Variants in ARL17B observed in about 807,000 individuals in gnomAD.
ARL17B encodes the protein ADP-ribosylation factor-like protein 17.
chr17:46,291,985 A>AAAAAAAAAC lies in ARL17B; in HGVS notation c.*21+7540_*21+7541insGTTTTTTTT, dbSNP rs1360524355. Among the ~76,000 whole-genome samples the AAAAAAAAAC allele has an allele frequency of 1.1e-3, 83 of 76,600 alleles. 3 individuals are homozygous for AAAAAAAAAC. The highest frequency in any genetic ancestry group is 2.5e-3 in the Admixed American group (17 of 6,722). The allele number at this position is 76,600 out of a possible 152,430, so 50.3% of individuals were successfully genotyped here. A position where few individuals can be genotyped will look rare whatever the true frequency, so the allele number is the denominator to read the frequency against. ...CTCAAAAAGCAAAAAAAAAAAAAAAAAAGCCAATAAAATCAATGGTCTAAT... is the reference window on the plus strand; with the variant it reads ...CTCAAAAAGCAAAAAAAAAAAAAAAAAAAAAAAACAAGCCAATAAAATCAATGGTCTAAT... On this transcript the variant is annotated intron_variant, in intron 4 of 4. Transcript: ENST00000570618.
At chr17:46,291,978 A>AC in intron 4 of ARL17B, among the ~76,000 whole-genome samples, 1 of 122,174 alleles carries the variant, frequency 8.2e-6, no homozygotes, top group Non-Finnish European at 1.8e-5. Context: ...GCAAAAAAAA[A>AC]AAAAAAAAAG....
chr17:46,286,420 T>C (rs2143412437), intron 4 of ARL17B, among the ~76,000 whole-genome samples: 1 of 152,352 alleles, frequency 6.6e-6, no homozygotes, highest in East Asian at 1.9e-4. Context: ...TCCTATAAGG[T>C]AATAACAGAG....
intron 4 of ARL17B, among the ~76,000 whole-genome samples, chr17:46,276,927 C>T (rs1478800352): frequency 3.9e-5 from 6 of 152,118 alleles, no homozygotes; most frequent in Admixed American, 3.9e-4. Context: ...CCTCAGCCTC[C>T]TGGGTAGCTG....
chr17:46,283,814 G>T (rs1172309131), intron 4 of ARL17B, among the ~76,000 whole-genome samples: 43 of 152,362 alleles, frequency 2.8e-4, no homozygotes, highest in African/African-American at 9.6e-4. Context: ...GTTTCTCGGA[G>T]AGGGGGATGT....
chr17:46,278,407 T>A (rs528577385), intron 4 of ARL17B, among the ~76,000 whole-genome samples: 6 of 149,882 alleles, frequency 4.0e-5, no homozygotes, highest in African/African-American at 1.5e-4. Context: ...TTTTGTTTTT[T>A]TTTTGTTGTT....
chr17:46,314,522 T>C (rs2050965952), intron 3 of ARL17B, among the ~76,000 whole-genome samples: 1 of 80,128 alleles, frequency 1.2e-5, no homozygotes, highest in African/African-American at 3.2e-5. Flanking sequence ...AGCACGTTTA[T>C]CCGTTTATCA....
intron 4 of ARL17B, among the ~76,000 whole-genome samples, chr17:46,286,787 T>C (rs2957301): frequency 6.6e-6 from 1 of 152,260 alleles, no homozygotes; most frequent in Non-Finnish European, 1.5e-5. Flanking sequence ...ATGCTCTTAT[T>C]AGAACTCACT....
chr17:46,322,744 T>TAA (rs1283238288), intron 3 of ARL17B, among the ~76,000 whole-genome samples: 3 of 46,134 alleles, frequency 6.5e-5, no homozygotes, highest in South Asian at 9.7e-4. Flanking sequence ...AAGATAATGG[T>TAA]AAAAAAAAAA....
In ARL17B at chr17:46,335,526, G is replaced by A. The variant is rs1296477783; in HGVS notation, c.*3974C>T. 1 of 179,284 alleles carries A rather than the reference G, an allele frequency of 5.6e-6. No homozygotes were observed. Among genetic ancestry groups the A allele is most frequent in the East Asian group, 3.1e-5 (1 of 32,700 alleles). The allele number at this position is 179,284 out of a possible 1,614,324, so 11.1% of individuals were successfully genotyped here. ...GTTGTTGTCATAGATAATCTTAATT[G>A]CGTTTTCTTCTAAAACAGATATGTT... On this transcript the variant is annotated 3_prime_UTR_variant, in exon 4 of 4. Transcript: ENST00000450673.
At chr17:46,304,998 A>G (rs1260381548) in intron 3 of ARL17B, among the ~76,000 whole-genome samples, 1 of 83,034 alleles carries the variant, frequency 1.2e-5, no homozygotes, top group East Asian at 2.9e-4. Flanking sequence ...CCTCCTGAGC[A>G]GCTAGGACTA....
At chr17:46,332,873 A>C (rs1198929839), downstream of ARL17B, among the ~76,000 whole-genome samples, 1 of 150,424 alleles carries the variant, frequency 6.6e-6, no homozygotes, top group African/African-American at 2.5e-5. Context: ...GTGAATTGAA[A>C]CCAAGTGAAT....
At chr17:46,309,176 A>G (rs2050681251) in intron 3 of ARL17B, among the ~76,000 whole-genome samples, 1 of 61,984 alleles carries the variant, frequency 1.6e-5, no homozygotes, top group Admixed American at 1.8e-4. Context: ...AAGTCAAACA[A>G]CCATATCGAG....
At chr17:46,327,612 C>T (rs934681132) in intron 3 of ARL17B, among the ~76,000 whole-genome samples, 3 of 9,074 alleles carry the variant, frequency 3.3e-4, no homozygotes, top group African/African-American at 5.5e-4. Context: ...TAATTTTCCC[C>T]TTGGTAATTA....
rs2050131235 is a variant in ARL17B, at chr17:46,293,500, C to T, written c.*21+6026G>A. 7.9e-6 allele frequency: 2 copies of T among 253,696 alleles called. 1 individual carries two copies. The highest frequency in any genetic ancestry group is 5.0e-5 in the African/African-American group (2 of 39,630). 15.7% of individuals were successfully genotyped at this position (253,696 alleles called of 1,614,324 possible). A position where few individuals can be genotyped will look rare whatever the true frequency, so the allele number is the denominator to read the frequency against. The stretch of plus-strand genomic sequence containing the variant: ...ATCACCTAGTGACACATTTCTCAAG[C>T]TCCTCACGTGGCAAGCAATGCATGA... On this transcript the variant is annotated intron_variant, in intron 4 of 4. Transcript: ENST00000570618.
chr17:46,276,538 G>A (rs1163675299), intron 4 of ARL17B, among the ~76,000 whole-genome samples: 1 of 152,154 alleles, frequency 6.6e-6, no homozygotes, highest in Non-Finnish European at 1.5e-5. Flanking sequence ...GAAAGAATAT[G>A]GATGGTATAA....
At chr17:46,275,541 A>C (rs2049562023) in intron 4 of ARL17B, 1 of 544,876 alleles carries the variant, frequency 1.8e-6, no homozygotes, top group Non-Finnish European at 3.4e-6. Flanking sequence ...ACCCTTGGCA[A>C]GCGAATAGAA....
Position 46,304,581 on chromosome 17 carries a change from T to A in ARL17B, c.260-4916A>T, listed in dbSNP as rs1413835150. 2.6e-5 allele frequency among the ~76,000 whole-genome samples: 2 copies of A among 76,608 alleles called. 1 individual carries two copies. Among genetic ancestry groups the A allele is most frequent in the African/African-American group, 6.6e-5 (2 of 30,228 alleles). 50.3% of individuals were successfully genotyped at this position (76,608 alleles called of 152,430 possible). ...AGATGGAGATATCAGCCAGACAACG[T>A]TACACCATCCAGGTAAAGAGGGAGG... On this transcript the variant is annotated intron_variant, in intron 3 of 4. Coordinates refer to the ARL17B transcript ENST00000434041.
chr17:46,309,035 A>G (rs1190794439), intron 3 of ARL17B, among the ~76,000 whole-genome samples: 1 of 77,702 alleles, frequency 1.3e-5, no homozygotes, highest in Admixed American at 1.3e-4. Flanking sequence ...CCTCTATGTT[A>G]TTGACAAATA....
At chr17:46,275,496 A>G in intron 4 of ARL17B, 1 of 646,494 alleles carries the variant, frequency 1.5e-6, no homozygotes, top group Non-Finnish European at 2.7e-6. Flanking sequence ...GCCAAAGTAA[A>G]TAAATCTGGA....
Sources: allele counts gnomAD v4.1 joint callset (sites outside exome capture counted in the v4.1 genomes callset), GRCh38; gene constraint gnomAD v4.1.1; transcripts MANE v1.5; gene names NCBI Gene and HGNC (gene_info 2026-07-23, HGNC 2026-07-21).